The following WIPF3 variants were observed in gnomAD, a reference collection of about 807,000 sequenced individuals.
WIPF3 encodes WAS/WASL interacting protein family member 3.
In WIPF3, 33 loss-of-function variants were observed where a neutral mutation model predicts 38.9. The ratio of observed to expected loss-of-function variants is 0.85; its 90% confidence interval spans 0.64 to 1.14. The LOEUF (loss-of-function observed/expected upper bound fraction) is 1.14, where lower values mean the gene tolerates loss of function less well. Among genes scored for constraint, WIPF3 ranks in the 50% most tolerant of loss-of-function variants. The pLI is 0.00. For missense variants in WIPF3, 711 were observed against 652.5 expected (o/e 1.09, Z -0.98); for synonymous variants, 324 against 269.3 (o/e 1.20, Z -1.99).
At chr7:29,828,496 C>T (rs1053984821) in intron 1 of WIPF3, among the ~76,000 whole-genome samples, 29 of 152,154 alleles carry the variant, frequency 1.9e-4, no homozygotes, top group Admixed American at 1.9e-3. Context: ...CTCTGTGGCC[C>T]ACTGGCTTTT....
intron 7 of WIPF3, among the ~76,000 whole-genome samples, chr7:29,898,178 A>T (rs984659533): frequency 6.6e-5 from 10 of 151,924 alleles, no homozygotes; most frequent in Non-Finnish European, 1.3e-4. Flanking sequence ...TTTCTGAAAC[A>T]CTTCTTCATT....
In WIPF3 at chr7:29,875,284, A is replaced by G. The variant is rs185697873; in HGVS notation, c.91-546A>G. On this transcript the variant is annotated intron_variant, in intron 2 of 8. Coordinates refer to ENST00000242140, the MANE Select transcript of WIPF3 (RefSeq NM_001080529.3). Reference sequence around the variant, plus strand: ...GAATCTGCTTCCCTTAAGAGACACAATGGGCCCAGCATGAGCCACCCAGGA... The same window carrying G: ...GAATCTGCTTCCCTTAAGAGACACAGTGGGCCCAGCATGAGCCACCCAGGA... Among the ~76,000 whole-genome samples, 23 of 152,146 alleles carry G rather than the reference A, an allele frequency of 1.5e-4. No individual in the cohort carries two copies. In the East Asian group the frequency reaches 3.1e-3, roughly 21 times the overall value.
At chr7:29,904,651 C>A in intron 8 of WIPF3, 1 of 354,632 alleles carries the variant, frequency 2.8e-6, no homozygotes, top group Admixed American at 4.4e-5. Context: ...CCCATTCTTC[C>A]TTGGTTATGA....
chr7:29,886,850 G>A (rs1785893465), intron 5 of WIPF3, among the ~76,000 whole-genome samples: 2 of 152,124 alleles, frequency 1.3e-5, no homozygotes. Flanking sequence ...CTGCATAAAG[G>A]GCTTGCATGT....
chr7:29,850,220 A>AAAACT (rs1353128116), intron 2 of WIPF3, among the ~76,000 whole-genome samples: 24 of 152,338 alleles, frequency 1.6e-4, no homozygotes, highest in African/African-American at 5.8e-4. Context: ...TTTGTTCTAA[A>AAAACT]AAAGTAAAAT....
At chr7:29,809,053 T>C (rs1384855406) in intron 1 of WIPF3, among the ~76,000 whole-genome samples, 1 of 152,326 alleles carries the variant, frequency 6.6e-6, no homozygotes, top group South Asian at 2.1e-4. Context: ...ATGTGTTTTC[T>C]AGCAAATGTG....
chr7:29,910,166 T>C (rs1172928469), intron 8 of WIPF3, among the ~76,000 whole-genome samples: 1 of 152,092 alleles, frequency 6.6e-6, no homozygotes, highest in Non-Finnish European at 1.5e-5. Context: ...ACTCATTGCA[T>C]ACCTGTATCA....
rs971646851 is a variant in WIPF3 at position 29,914,399 on chromosome 7, G to C, written c.1429-94G>C. On this transcript the variant is annotated intron_variant, in intron 8 of 8. Coordinates refer to ENST00000242140, the MANE Select transcript of WIPF3 (RefSeq NM_001080529.3). ...CAGCCTTGCATGAATGAGAAGCTTC[G>C]GGGCCCAGCCTGTTTGGGGGGGTGG... The C allele has an allele frequency of 6.5e-5, 69 of 1,058,686 alleles. No individual in the cohort carries two copies. In the African/African-American group the frequency reaches 7.8e-4, roughly 12 times the overall value. The allele number at this position is 1,058,686 out of a possible 1,614,324, so 65.6% of individuals were successfully genotyped here.
At chr7:29,834,144 A>G (rs538422564) in intron 1 of WIPF3, among the ~76,000 whole-genome samples, 3 of 152,312 alleles carry the variant, frequency 2.0e-5, no homozygotes, top group East Asian at 3.9e-4. Flanking sequence ...AGCTGACAGG[A>G]GAGAAAGAGG....
At chr7:29,857,771 A>G (rs1025806874) in intron 2 of WIPF3, among the ~76,000 whole-genome samples, 6 of 152,194 alleles carry the variant, frequency 3.9e-5, no homozygotes, top group African/African-American at 1.4e-4. Flanking sequence ...TTTAATTTTT[A>G]AATGGACTTT....
At chr7:29,890,436 G>A (rs966105280) in intron 7 of WIPF3, among the ~76,000 whole-genome samples, 4 of 151,752 alleles carry the variant, frequency 2.6e-5, no homozygotes, top group Non-Finnish European at 4.4e-5. Flanking sequence ...GGGCCAATCA[G>A]ATTGGGCAGG....
intron 2 of WIPF3, among the ~76,000 whole-genome samples, chr7:29,861,603 T>C (rs1415323638): frequency 6.6e-6 from 1 of 152,324 alleles, no homozygotes; most frequent in South Asian, 2.1e-4. Flanking sequence ...TTCTTTATTA[T>C]AGATATTTGT....
intron 2 of WIPF3, 32 bp downstream of exon 2, chr7:29,834,846 GGA>G (rs1462964659): frequency 5.3e-6 from 8 of 1,508,948 alleles, no homozygotes; most frequent in African/African-American, 1.4e-5. Flanking sequence ...GGTTTACTGT[GGA>G]GCATAAACTG....
intron 8 of WIPF3, chr7:29,905,995 C>G (rs1250633687): frequency 6.6e-6 from 1 of 152,130 alleles, no homozygotes; most frequent in Non-Finnish European, 1.5e-5. Context: ...ATTCTTAGCA[C>G]AGAGACAGCC....
At chr7:29,807,822 G>A (rs1170819780) in intron 1 of WIPF3, among the ~76,000 whole-genome samples, 1 of 152,188 alleles carries the variant, frequency 6.6e-6, no homozygotes. Context: ...TGTTTGGCAT[G>A]ACCAGTGTGA....
chr7:29,877,568 T>C (rs1164746812), intron 3 of WIPF3, among the ~76,000 whole-genome samples: 3 of 152,182 alleles, frequency 2.0e-5, no homozygotes, highest in Non-Finnish European at 1.5e-5. Flanking sequence ...TGTGAAGAAG[T>C]GTAGGAAAAT....
chr7:29,834,742 A>ACCCCCCCCCCCCCCCCCCCCCCCCC lies in WIPF3; in HGVS notation c.23_24insCCCCCCCCCCCCCCCCCCCCCCCCC (p.Leu11ProfsTer50). 1 of 1,377,076 alleles carries ACCCCCCCCCCCCCCCCCCCCCCCCC rather than the reference A, an allele frequency of 7.3e-7. No individual in the cohort carries two copies. Among genetic ancestry groups the ACCCCCCCCCCCCCCCCCCCCCCCCC allele is most frequent in the East Asian group, 3.1e-5 (1 of 32,282 alleles). 85.3% of individuals were successfully genotyped at this position (1,377,076 alleles called of 1,614,324 possible). A position where few individuals can be genotyped will look rare whatever the true frequency, so the allele number is the denominator to read the frequency against. On this transcript the variant is annotated frameshift_variant, in exon 2 of 9. Coordinates refer to ENST00000242140, the MANE Select transcript of WIPF3 (RefSeq NM_001080529.3). LOFTEE classifies it high-confidence loss of function. ...CGTGACACATGCCAGTGCCACCGCC[A>ACCCCCCCCCCCCCCCCCCCCCCCCC]CCCCCACCTCCTCTGCCTCCACCTC...
intron 2 of WIPF3, among the ~76,000 whole-genome samples, chr7:29,837,327 G>A (rs1784821515): frequency 6.6e-6 from 1 of 152,216 alleles, no homozygotes; most frequent in South Asian, 2.1e-4. Context: ...CTGCACTCCA[G>A]CCTGGGCAAC....
chr7:29,819,174 T>C (rs1784500187), intron 1 of WIPF3, among the ~76,000 whole-genome samples: 1 of 152,182 alleles, frequency 6.6e-6, no homozygotes, highest in Admixed American at 6.5e-5. Flanking sequence ...CACTTCTTGG[T>C]GGTGGATCTT....
Sources: gnomAD v4.1 joint callset for allele counts (sites outside exome capture counted in the v4.1 genomes callset) on GRCh38, gnomAD v4.1.1 for gene constraint, MANE v1.5 for transcripts, NCBI Gene and HGNC (gene_info 2026-07-23, HGNC 2026-07-21) for gene names.